Variants in SHANK2 observed in about 807,000 individuals in gnomAD.
SHANK2 encodes the protein SH3 and multiple ankyrin repeat domains protein 2.
A neutral mutation model predicts 133.7 loss-of-function variants in SHANK2; 43 were observed. The ratio of observed to expected loss-of-function variants is 0.32; its 90% CI spans 0.25 to 0.41. The LOEUF (loss-of-function observed/expected upper bound fraction) is 0.41, where lower values mean the gene tolerates loss of function less well. Ranked by LOEUF, SHANK2 falls within the 10% of genes least tolerant of loss-of-function variation. The pLI, the probability that SHANK2 is intolerant of heterozygous loss-of-function variation, is 1.00. For synonymous variants in SHANK2, 1,017 were observed against 952.8 expected (o/e 1.07, Z -1.24); for missense variants, 1,994 against 2,235.8 (o/e 0.89, Z 2.18).
At chr11:70,732,805 C>T (rs1946317811) in intron 14 of SHANK2, among the ~76,000 whole-genome samples, 1 of 152,254 alleles carries the variant, frequency 6.6e-6, no homozygotes, top group African/African-American at 2.4e-5. Flanking sequence ...CACTCCCCAG[C>T]CCTGCAGCTG....
chr11:70,629,082 G>A (rs1555001072), intron 17 of SHANK2, among the ~76,000 whole-genome samples: 2 of 152,184 alleles, frequency 1.3e-5, no homozygotes, highest in African/African-American at 4.8e-5. Context: ...CACAGCTCAC[G>A]TGCTCACTGC....
rs566606514 is a variant in SHANK2, at chr11:70,885,940, G to A, written c.1174+10561C>T. Among the ~76,000 whole-genome samples the A allele has an allele frequency of 6.6e-5, 10 of 152,240 alleles. No homozygotes were observed. The South Asian group carries it at 2.1e-3, about 32-fold the overall frequency. On this transcript the variant is annotated intron_variant, in intron 11 of 25. Coordinates refer to ENST00000601538, the MANE Select transcript of SHANK2 (RefSeq NM_012309.5). ...TGGAACAAAACTTCTAGACAGATAC[G>A]CACGGGAGAAAGTAGGACCACAGCA...
chr11:70,522,564 C>T (rs990043873), intron 17 of SHANK2, among the ~76,000 whole-genome samples: 1 of 152,204 alleles, frequency 6.6e-6, no homozygotes, highest in Non-Finnish European at 1.5e-5. Flanking sequence ...GGTGGTACCC[C>T]CTCTATCGTC....
rs1590821227 is a variant in SHANK2 at position 70,908,767 on chromosome 11, G to A, written c.1108-12200C>T. 3.3e-5 allele frequency among the ~76,000 whole-genome samples: 5 copies of A among 152,154 alleles called. No individual in the cohort carries two copies. In the South Asian group the frequency reaches 1.0e-3, roughly 32 times the overall value. ...TTGGCGGTGGGGGATCATATATGAGGAGGAAAACCACTTTCAGCGTTTGAA... is the reference window on the plus strand; with the variant it reads ...TTGGCGGTGGGGGATCATATATGAGAAGGAAAACCACTTTCAGCGTTTGAA... On this transcript the variant is annotated intron_variant, in intron 10 of 25. Transcript: ENST00000601538.
At chr11:70,870,679 A>G (rs1555070023) in intron 11 of SHANK2, among the ~76,000 whole-genome samples, 1 of 152,190 alleles carries the variant, frequency 6.6e-6, no homozygotes, top group Non-Finnish European at 1.5e-5. Flanking sequence ...AATCTTTGGC[A>G]TTCCTTGACT....
In SHANK2 at chr11:70,869,942, C is replaced by T. The variant is rs534672923; in HGVS notation, c.1174+26559G>A. 6.0e-4 allele frequency among the ~76,000 whole-genome samples: 91 copies of T among 152,258 alleles called. No individual in the cohort carries two copies. In the South Asian group the frequency reaches 0.018, roughly 30 times the overall value. On this transcript the variant is annotated intron_variant, in intron 11 of 25. Transcript: ENST00000601538. ...CTCTGCCTTCTCACACACCCAGAAA[C>T]CCTCACAAAAGTCCACAAGAGTGTC...
intron 14 of SHANK2, among the ~76,000 whole-genome samples, chr11:70,737,089 C>T (rs1046136737): frequency 7.9e-5 from 12 of 152,148 alleles, no homozygotes; most frequent in African/African-American, 2.2e-4. Flanking sequence ...GCCAAAGTCC[C>T]GAGCCGCGGG....
chr11:70,879,957 G>A (rs11237794), intron 11 of SHANK2, among the ~76,000 whole-genome samples: 5,152 of 152,330 alleles, frequency 0.034, 162 homozygotes, highest in Non-Finnish European at 0.046. Context: ...AGGGTAGCCA[G>A]ATGTTTCTCC....
intron 17 of SHANK2, among the ~76,000 whole-genome samples, chr11:70,655,267 C>T (rs1012694094): frequency 2.0e-5 from 3 of 152,204 alleles, no homozygotes; most frequent in South Asian, 2.1e-4. Flanking sequence ...AAACAGTCAC[C>T]GCACTGCTTT....
intron 8 of SHANK2, among the ~76,000 whole-genome samples, chr11:71,091,895 CTT>C (rs1449327036): frequency 2.0e-5 from 3 of 152,210 alleles, no homozygotes; most frequent in Non-Finnish European, 4.4e-5. Context: ...CAGGTAAAGA[CTT>C]TTCACTGGAG....
intron 16 of SHANK2, among the ~76,000 whole-genome samples, chr11:70,660,208 T>C (rs1426343641): frequency 2.6e-5 from 4 of 152,174 alleles, no homozygotes; most frequent in African/African-American, 4.8e-5. Context: ...CACAGGATAA[T>C]GTGCTCTGTG....
intron 10 of SHANK2, among the ~76,000 whole-genome samples, chr11:70,914,012 T>C (rs781822478): frequency 2.0e-5 from 3 of 152,112 alleles, no homozygotes; most frequent in Non-Finnish European, 2.9e-5. Context: ...TTAATCCACT[T>C]TTGGATTTAG....
At chr11:71,134,203 C>T (rs571059902) in intron 3 of SHANK2, among the ~76,000 whole-genome samples, 1 of 151,726 alleles carries the variant, frequency 6.6e-6, no homozygotes, top group African/African-American at 2.4e-5. Flanking sequence ...CAAGGCTTCC[C>T]TCTCAGTCCA....
At chr11:70,653,039 C>G (rs2061355781) in intron 17 of SHANK2, among the ~76,000 whole-genome samples, 1 of 152,082 alleles carries the variant, frequency 6.6e-6, no homozygotes, top group African/African-American at 2.4e-5. Context: ...GTGGAGCAAT[C>G]TCGGCTCACT....
intron 14 of SHANK2, among the ~76,000 whole-genome samples, chr11:70,722,567 T>C: frequency 6.6e-6 from 1 of 152,248 alleles, no homozygotes; most frequent in East Asian, 1.9e-4. Flanking sequence ...TGAAATTACG[T>C]ATATTGTTAA....
In SHANK2 at chr11:70,486,620, G is replaced by C. The variant is rs2058809955; in HGVS notation, c.3673C>G (p.Arg1225Gly). 6.2e-7 allele frequency: 1 copy of C among 1,613,262 alleles called. No homozygotes were observed. The highest frequency in any genetic ancestry group is 1.7e-4 in the Middle Eastern group (1 of 6,056). Residue 1225 changes from arginine to glycine, a missense_variant, in exon 25 of 26, where the codon CGA (arginine) becomes GGA (glycine). By Grantham distance (125) the Arg-to-Gly change is moderately radical. Coordinates refer to ENST00000601538, the MANE Select transcript of SHANK2 (RefSeq NM_012309.5). The surrounding 1 kb of genome is among the most constrained non-coding windows in gnomAD (Gnocchi z 8.0). ...PLALALSARD[R>G]AMKESQQGPK... ...CCCTGTTGAGACTCCTTCATGGCTCGGTCCCTTGCGGAGAGTGCCAGGGCC... is the reference window on the plus strand; with the variant it reads ...CCCTGTTGAGACTCCTTCATGGCTCCGTCCCTTGCGGAGAGTGCCAGGGCC...
At chr11:71,221,503 G>A (rs1954541213) in intron 2 of SHANK2, among the ~76,000 whole-genome samples, 1 of 152,138 alleles carries the variant, frequency 6.6e-6, no homozygotes. Context: ...CTTGGGTCAT[G>A]TCATTAATCA....
At chr11:70,635,223 C>T (rs574454113) in intron 17 of SHANK2, 45 of 152,324 alleles carry the variant, frequency 3.0e-4, no homozygotes, top group African/African-American at 1.1e-3. Context: ...AAGGCATTGA[C>T]AGCGGGGTCT....
chr11:71,083,756 G>A (rs1000905150), intron 8 of SHANK2, among the ~76,000 whole-genome samples: 23 of 152,218 alleles, frequency 1.5e-4, no homozygotes, highest in Non-Finnish European at 2.4e-4. Flanking sequence ...AGCGTGCTGT[G>A]AAGTTGCACG....
Sources: allele counts gnomAD v4.1 joint callset (sites outside exome capture counted in the v4.1 genomes callset), GRCh38; gene constraint gnomAD v4.1.1; non-coding constraint Gnocchi (gnomAD v3.1); transcripts MANE v1.5; gene names NCBI Gene and HGNC (gene_info 2026-07-23, HGNC 2026-07-21).